GTPBP6: variants seen among roughly 807,000 people sequenced by gnomAD.
GTPBP6 encodes the protein GTP binding protein 6, also known as putative GTP-binding protein 6.
Under a neutral mutation model 28.9 loss-of-function variants are expected in GTPBP6, and 33 were observed. That is an observed-to-expected ratio of 1.14 (90% confidence interval 0.87 to 1.53). The LOEUF (loss-of-function observed/expected upper bound fraction) is 1.53, where lower values mean the gene tolerates loss of function less well. GTPBP6 is among the 40% of genes most tolerant of loss of function. The pLI is 0.00. For synonymous variants in GTPBP6, 231 were observed against 192.7 expected, an observed-to-expected ratio of 1.20 and a Z score of -1.65; for missense variants, 507 against 408.3, an observed-to-expected ratio of 1.24 and a Z score of -2.08.
At chrX:305,042 C>T (rs1395922596) in exon 10 of GTPBP6, 3 of 1,608,140 alleles carry the variant, frequency 1.9e-6, no homozygotes, top group East Asian at 4.5e-5. Flanking sequence ...GGCAGCGATG[C>T]CCCCACCCCG....
intron 4 of GTPBP6, 57 bp downstream of exon 4, chrX:314,833 C>T (rs1286187607): frequency 2.7e-5 from 11 of 401,044 alleles, no homozygotes; most frequent in Middle Eastern, 6.3e-4. Flanking sequence ...GACTACAGAA[C>T]GGAGGGGTTC....
At chrX:307,755 G>A in exon 8 of GTPBP6, 2 of 1,508,764 alleles carry the variant, frequency 1.3e-6, no homozygotes, top group Non-Finnish European at 1.8e-6. Context: ...CCACCTTGTT[G>A]TGAACCTCCA....
intron 1 of GTPBP6, among the ~76,000 whole-genome samples, chrX:318,193 G>C (rs1318876359): frequency 7.0e-6 from 1 of 142,050 alleles, no homozygotes; most frequent in Non-Finnish European, 1.5e-5. Flanking sequence ...CCCTTGCATC[G>C]CCAGCTATGA....
chrX:312,407 G>A (rs1171862227), intron 6 of GTPBP6: 7 of 515,976 alleles, frequency 1.4e-5, no homozygotes, highest in Admixed American at 9.1e-5. Flanking sequence ...TGTAGACAGG[G>A]TGGTGGTATA....
intron 1 of GTPBP6, among the ~76,000 whole-genome samples, chrX:318,066 C>G (rs1411003963): frequency 1.3e-5 from 2 of 150,548 alleles, no homozygotes; most frequent in East Asian, 4.0e-4. Flanking sequence ...AAGCCCCGCC[C>G]CTACGTCGCC....
chrX:307,513 C>T lies in GTPBP6; in HGVS notation c.1275-1G>A, dbSNP rs1188134917. On this transcript the variant is annotated splice_acceptor_variant, in intron 8 of 9. Transcript: ENST00000326153. LOFTEE classifies it high-confidence loss of function. ...GACGTTCGGTTCCGTGGGGCTGTAC[C>T]TGCAAGGGTGGGGATGTCACAGGCC... 2 of 1,610,764 alleles carry T rather than the reference C, an allele frequency of 1.2e-6. No homozygotes were observed. Among genetic ancestry groups the T allele is most frequent in the Admixed American group, 3.3e-5 (2 of 59,952 alleles).
Position 316,989 on chromosome X carries a change from G to A in GTPBP6, c.412C>T (p.Gln138Ter), listed in dbSNP as rs1285210022. The stretch of plus-strand genomic sequence containing the variant: ...GTTTTGGTGGACACGACCATTGTCT[G>A]CACCACGGACCAGCCGTCCAGCGTG... The change falls in exon 2 of 10, where the codon CAG becomes TAG. Residue 138 changes from glutamine to a stop codon, truncating the protein, a stop_gained. Transcript: ENST00000326153. LOFTEE classifies it high-confidence loss of function. The A allele has an allele frequency of 1.8e-5, 7 of 398,514 alleles. No homozygotes were observed. The highest frequency in any genetic ancestry group is 3.1e-5 in the Non-Finnish European group (7 of 226,112). The allele number at this position is 398,514 out of a possible 1,614,324, so 24.7% of individuals were successfully genotyped here.
chrX:306,128 T>C (rs2070157031), intron 9 of GTPBP6, among the ~76,000 whole-genome samples: 1 of 152,246 alleles, frequency 6.6e-6, no homozygotes, highest in Non-Finnish European at 1.5e-5. Context: ...ATTAGGCACC[T>C]GTTGTGCGCA....
rs748537854 is a variant in GTPBP6 at position 311,750 on chromosome X, G to A, written c.917-123C>T. 1.7e-5 allele frequency: 13 copies of A among 785,288 alleles called. No homozygotes were observed. The East Asian group carries it at 3.4e-4, about 21-fold the overall frequency. The allele number at this position is 785,288 out of a possible 1,614,324, so 48.6% of individuals were successfully genotyped here. A position where few individuals can be genotyped will look rare whatever the true frequency, so the allele number is the denominator to read the frequency against. On this transcript the variant is annotated intron_variant, in intron 6 of 9. Coordinates refer to ENST00000326153, the Ensembl canonical transcript of GTPBP6. ...GGGGGGCCGCACCCCGGGCTACACG[G>A]TCCCTGAGCTCCTCGGGCACCCCGG...
chrX:308,714 C>A (rs898625154), intron 7 of GTPBP6, among the ~76,000 whole-genome samples: 39 of 149,644 alleles, frequency 2.6e-4, no homozygotes, highest in Admixed American at 2.4e-3. Flanking sequence ...AAAATAATTT[C>A]ATCCCAGGAA....
At chrX:307,437 C>T (rs2070194756) in exon 9 of GTPBP6, 3 of 1,612,318 alleles carry the variant, frequency 1.9e-6, no homozygotes, top group Admixed American at 3.3e-5. Flanking sequence ...CCGCATCGAG[C>T]TCAGCTTTCA....
chrX:313,375 C>T (rs919990511), intron 5 of GTPBP6, among the ~76,000 whole-genome samples: 4 of 152,098 alleles, frequency 2.6e-5, no homozygotes, highest in Non-Finnish European at 4.4e-5. Flanking sequence ...CTGTGTCCTT[C>T]TAAGAAGCAG....
At chrX:309,924 C>T (rs1381582606) in intron 7 of GTPBP6, among the ~76,000 whole-genome samples, 1 of 143,886 alleles carries the variant, frequency 6.9e-6, no homozygotes, top group Non-Finnish European at 1.5e-5. Flanking sequence ...GACTACTGTC[C>T]TTCTAAGAGA....
chrX:311,268 CT>C, intron 7 of GTPBP6, 150 bp downstream of exon 7: 1 of 451,584 alleles, frequency 2.2e-6, no homozygotes, highest in Non-Finnish European at 3.8e-6. Flanking sequence ...GTCCGAGGGC[CT>C]GGCCCCTGGG....
intron 6 of GTPBP6, 194 bp from the exon 7 acceptor site, chrX:311,821 C>A: frequency 1.6e-6 from 1 of 618,692 alleles, no homozygotes; most frequent in South Asian, 1.9e-5. Context: ...TGTTCTCGGG[C>A]CGATGGAGCG....
chrX:313,560 G>T (rs1466510857), intron 5 of GTPBP6, among the ~76,000 whole-genome samples: 1 of 152,166 alleles, frequency 6.6e-6, no homozygotes, highest in Admixed American at 6.5e-5. Context: ...CTGGTCAATG[G>T]GACCTTATTT....
intron 5 of GTPBP6, 32 bp from the exon 6 acceptor site, chrX:312,956 G>T: frequency 1.9e-6 from 3 of 1,592,494 alleles, no homozygotes; most frequent in Non-Finnish European, 1.7e-6. Flanking sequence ...GAGGCGGTGA[G>T]CCACGCCGGG....
chrX:311,511 C>A (rs182069943), exon 7 of GTPBP6: 9 of 1,612,246 alleles, frequency 5.6e-6, no homozygotes, highest in Non-Finnish European at 7.6e-6. Context: ...ACGTACAGGA[C>A]GGTCATGCGT....
At position 316,480 on chromosome X, in the gene GTPBP6, C is replaced by T. The variant is rs1206406085; in HGVS notation, c.487+434G>A. Among the ~76,000 whole-genome samples the T allele has an allele frequency of 3.7e-4, 57 of 152,258 alleles. No homozygotes were observed. In the South Asian group the frequency reaches 0.011, roughly 30 times the overall value. On this transcript the variant is annotated intron_variant, in intron 2 of 9. Coordinates refer to ENST00000326153, the Ensembl canonical transcript of GTPBP6. ...CCCCACCTGGGCAAGTGAGTAGCGTCTTCCCAACTCTACTGGAAGCGGGAT... is the reference window on the plus strand; with the variant it reads ...CCCCACCTGGGCAAGTGAGTAGCGTTTTCCCAACTCTACTGGAAGCGGGAT...
Sources: gnomAD v4.1 joint callset for allele counts (sites outside exome capture counted in the v4.1 genomes callset) on GRCh38, gnomAD v4.1.1 for gene constraint, MANE v1.5 for transcripts, NCBI Gene and HGNC (gene_info 2026-07-23, HGNC 2026-07-21) for gene names.